Variants in HK1 observed in about 807,000 individuals in gnomAD.
HK1 encodes hexokinase-1.
HK1 carries 28 observed loss-of-function variants against 91.6 expected under a neutral mutation model. That is an observed-to-expected ratio of 0.31 (90% CI 0.23 to 0.42). The LOEUF (loss-of-function observed/expected upper bound fraction) is 0.42, where lower values mean the gene tolerates loss of function less well. Ranked by LOEUF, HK1 falls within the 10% of genes least tolerant of loss-of-function variation. HK1 has a pLI of 1.00. For synonymous variants in HK1, 430 were observed against 468.1 expected (o/e 0.92, Z 1.05); for missense variants, 770 against 1,219.8 (o/e 0.63, Z 5.49).
intron 7 of HK1, among the ~76,000 whole-genome samples, chr10:69,375,126 A>T (rs2132845242): frequency 6.6e-6 from 1 of 152,344 alleles, no homozygotes; most frequent in African/African-American, 2.4e-5. Flanking sequence ...TCATCCGTGA[A>T]ATGGGGATAA....
intron 7 of HK1, among the ~76,000 whole-genome samples, chr10:69,374,842 T>TGG (rs1839005571): frequency 6.6e-6 from 1 of 152,182 alleles, no homozygotes. Context: ...GCGCATCCTA[T>TGG]GGGGAATGCC....
At chr10:69,284,485 T>G (rs1009755482) in intron 2 of HK1, among the ~76,000 whole-genome samples, 5 of 151,928 alleles carry the variant, frequency 3.3e-5, no homozygotes, top group Non-Finnish European at 7.4e-5. Flanking sequence ...GCTAAAACTA[T>G]GTAAAAAAAA....
chr10:69,286,514 T>C (rs1036367799), intron 2 of HK1, among the ~76,000 whole-genome samples: 4 of 152,080 alleles, frequency 2.6e-5, no homozygotes, highest in African/African-American at 9.7e-5. Flanking sequence ...AAACAAATAA[T>C]TGCAAGGCAT....
chr10:69,386,913 G>A (rs1163036843), intron 13 of HK1: 1 of 152,328 alleles, frequency 6.6e-6, no homozygotes, highest in Non-Finnish European at 1.5e-5. Context: ...ATAGGTTTGT[G>A]TTGTTAAAAG....
At chr10:69,294,573 G>A (rs1845458105) in intron 3 of HK1, among the ~76,000 whole-genome samples, 1 of 152,014 alleles carries the variant, frequency 6.6e-6, no homozygotes, top group East Asian at 1.9e-4. Context: ...ACTAAAAAAT[G>A]TGGCCAGGCA....
chr10:69,371,320 C>G (rs1316638474), intron 7 of HK1, among the ~76,000 whole-genome samples: 1 of 146,760 alleles, frequency 6.8e-6, no homozygotes, highest in Admixed American at 6.7e-5. Context: ...TACCATACCC[C>G]CCCCCACCCC....
At chr10:69,295,626 C>A in intron 3 of HK1, 1 of 1,600,278 alleles carries the variant, frequency 6.2e-7, no homozygotes, top group Non-Finnish European at 8.6e-7. Flanking sequence ...TCCTGTCTTT[C>A]TCTAAGGCTA....
chr10:69,397,373 T>C (rs1317373077), intron 16 of HK1, among the ~76,000 whole-genome samples: 1 of 152,170 alleles, frequency 6.6e-6, no homozygotes, highest in Non-Finnish European at 1.5e-5. Flanking sequence ...GGAAAGTCTT[T>C]TCAAGCATAA....
chr10:69,381,356 A>AT (rs1377990301), intron 9 of HK1, among the ~76,000 whole-genome samples: 1 of 152,146 alleles, frequency 6.6e-6, no homozygotes, highest in Non-Finnish European at 1.5e-5. Context: ...ACGTAATTGT[A>AT]TTTTTAAAAT....
chr10:69,376,083 G>A (rs758750773), intron 7 of HK1, among the ~76,000 whole-genome samples: 8 of 152,156 alleles, frequency 5.3e-5, no homozygotes, highest in African/African-American at 1.9e-4. Context: ...ATGCCAGGGA[G>A]GTGCCTAACA....
At chr10:69,280,589 T>A (rs1844697741) in intron 1 of HK1, among the ~76,000 whole-genome samples, 1 of 152,196 alleles carries the variant, frequency 6.6e-6, no homozygotes, top group Non-Finnish European at 1.5e-5. Flanking sequence ...GGTGGAGCCC[T>A]CACGAATGTG....
Position 69,382,487 on chromosome 10 carries a change from G to T in HK1, c.1266G>T (p.Gln422His), listed in dbSNP as rs1198697690. Residue 422 changes from glutamine to histidine, a missense_variant and splice_region_variant, in exon 10 of 18, where the codon CAG (glutamine) becomes CAT (histidine). By Grantham distance (24) the Gln-to-His change is conservative. Around this residue, in one of 7 missense-constraint regions of HK1, gnomAD observed 449 missense variants for 665.1 expected, o/e 0.68. Coordinates refer to ENST00000359426, the MANE Select transcript of HK1 (RefSeq NM_000188.3). ...GGAATGTCCCCCCTGCCCCCATAAG[G>T]TATTCCCGGCGTTTCCACAAGACTC... ...VDGSLYKTHPQYSRRFHKTLR... is the reference protein window; with the variant it reads ...VDGSLYKTHPHYSRRFHKTLR... 1.2e-6 allele frequency: 2 copies of T among 1,614,174 alleles called. No individual in the cohort carries two copies. The highest frequency in any genetic ancestry group is 1.7e-6 in the Non-Finnish European group (2 of 1,180,006).
intron 2 of HK1, among the ~76,000 whole-genome samples, chr10:69,355,068 CAAAAAAAA>C (rs775908068): frequency 1.2e-4 from 10 of 85,254 alleles, no homozygotes; most frequent in African/African-American, 2.4e-4. Flanking sequence ...GACTCCCTCT[CAAAAAAAA>C]AAAAAAAAAA....
intron 3 of HK1, among the ~76,000 whole-genome samples, chr10:69,363,174 G>A (rs1849523115): frequency 1.3e-5 from 2 of 152,154 alleles, no homozygotes; most frequent in Non-Finnish European, 2.9e-5. Flanking sequence ...AAGCTCCATG[G>A]CTGTGTCACT....
chr10:69,309,280 C>G lies in HK1; in HGVS notation c.27+8419C>G, dbSNP rs552400958. On this transcript the variant is annotated intron_variant, in intron 5 of 21. Coordinates refer to the HK1 transcript ENST00000360289. The stretch of plus-strand genomic sequence containing the variant: ...CACTGCAAGCTCCGCCTGCTGGGTT[C>G]ACGCCATTCTCCTGCCTCAGCCTCC... 4.3e-3 allele frequency among the ~76,000 whole-genome samples: 645 copies of G among 150,202 alleles called. 4 individuals carry two copies. Among genetic ancestry groups the G allele is most frequent in the African/African-American group, 0.015 (621 of 40,950 alleles).
chr10:69,290,689 G>A (rs1589441466), intron 3 of HK1, among the ~76,000 whole-genome samples: 1 of 152,046 alleles, frequency 6.6e-6, no homozygotes, highest in East Asian at 1.9e-4. Context: ...TAGTAGAGAC[G>A]GGGTTTCGCC....
At chr10:69,308,044 T>A (rs1194401090) in intron 5 of HK1, among the ~76,000 whole-genome samples, 2 of 152,064 alleles carry the variant, frequency 1.3e-5, no homozygotes, top group Non-Finnish European at 2.9e-5. Context: ...TCATCATGAT[T>A]GCCAAGCTGG....
At chr10:69,305,448 TG>T (rs1846058925) in intron 5 of HK1, among the ~76,000 whole-genome samples, 1 of 152,188 alleles carries the variant, frequency 6.6e-6, no homozygotes, top group African/African-American at 2.4e-5. Context: ...TTTCTCCTAG[TG>T]CCTGGCCTAA....
intron 1 of HK1, among the ~76,000 whole-genome samples, chr10:69,279,590 A>T (rs1035265150): frequency 6.6e-6 from 1 of 152,240 alleles, no homozygotes; most frequent in Non-Finnish European, 1.5e-5. Flanking sequence ...CCCAAGAAAC[A>T]TGTTTCTCCA....
Sources: gnomAD v4.1 joint callset for allele counts (sites outside exome capture counted in the v4.1 genomes callset) on GRCh38, gnomAD v4.1.1 for gene constraint, gnomAD v4.1.1 regional missense constraint, MANE v1.5 for transcripts, NCBI Gene and HGNC (gene_info 2026-07-23, HGNC 2026-07-21) for gene names.